Variants in DACH2 observed in about 807,000 individuals in gnomAD.
DACH2 encodes dachshund homolog 2.
Under a neutral mutation model 35.8 loss-of-function variants are expected in DACH2, and 17 were observed. That is an observed-to-expected ratio of 0.48 (90% confidence interval 0.33 to 0.71). The LOEUF (loss-of-function observed/expected upper bound fraction) is 0.71, where lower values mean the gene tolerates loss of function less well. Ranked by LOEUF, DACH2 falls within the 30% of genes least tolerant of loss-of-function variation. DACH2 has a pLI of 0.02. For missense variants in DACH2, 469 were observed against 472.7 expected (o/e 0.99, Z 0.07); for synonymous variants, 195 against 177.3 (o/e 1.10, Z -0.79).
intron 3 of DACH2, among the ~76,000 whole-genome samples, chrX:86,644,436 G>C (rs1323611339): frequency 9.1e-6 from 1 of 109,452 alleles, no homozygotes; most frequent in Non-Finnish European, 1.9e-5. Context: ...ACAAATGGAT[G>C]GAAAAACATT....
Position 86,165,090 on chromosome X carries a change from G to C in DACH2, c.488+15982G>C, listed in dbSNP as rs1403743689. Reference sequence around the variant, plus strand: ...ATAAGCATGGGATGTTTTTCCATTTGTATCTTTTCTGATTTTTTTTGAGCA... The same window carrying C: ...ATAAGCATGGGATGTTTTTCCATTTCTATCTTTTCTGATTTTTTTTGAGCA... On this transcript the variant is annotated intron_variant, in intron 1 of 11. Coordinates refer to ENST00000373125, the MANE Select transcript of DACH2 (RefSeq NM_053281.3). 3.6e-5 allele frequency among the ~76,000 whole-genome samples: 4 copies of C among 110,818 alleles called. No homozygotes were observed. In the Admixed American group the frequency reaches 3.8e-4, roughly 11 times the overall value.
At chrX:86,274,226 G>A (rs2033865090) in intron 1 of DACH2, among the ~76,000 whole-genome samples, 1 of 110,591 alleles carries the variant, frequency 9.0e-6, no homozygotes, top group African/African-American at 3.3e-5. Context: ...ATTGTACTGG[G>A]AAGCAGAACT....
chrX:86,683,037 G>A (rs1473532296), intron 4 of DACH2, among the ~76,000 whole-genome samples: 2 of 111,013 alleles, frequency 1.8e-5, no homozygotes, highest in South Asian at 3.7e-4. Context: ...ATTTGAGTCT[G>A]CGAGTTTTAT....
intron 7 of DACH2, among the ~76,000 whole-genome samples, chrX:86,749,359 A>T (rs774269445): frequency 1.6e-4 from 18 of 111,787 alleles, no homozygotes; most frequent in African/African-American, 5.8e-4. Context: ...CTTTCGATTT[A>T]AAGCGAGATA....
chrX:86,723,850 T>C (rs1222306127), intron 6 of DACH2, among the ~76,000 whole-genome samples: 3 of 111,063 alleles, frequency 2.7e-5, no homozygotes, highest in African/African-American at 9.9e-5. Context: ...TCTTGCTGAA[T>C]TGATCATTTT....
chrX:86,767,452 C>G (rs758081979), intron 7 of DACH2, among the ~76,000 whole-genome samples: 10 of 111,716 alleles, frequency 9.0e-5, no homozygotes, highest in Non-Finnish European at 1.9e-4. Flanking sequence ...AAGGAGGGTA[C>G]CTACCAGAAA....
intron 4 of DACH2, among the ~76,000 whole-genome samples, chrX:86,656,764 T>C (rs2040544544): frequency 9.5e-6 from 1 of 105,393 alleles, no homozygotes; most frequent in African/African-American, 3.5e-5. Flanking sequence ...AAGTAAGATA[T>C]AGATAACAAA....
In DACH2 at chrX:86,148,648, T is replaced by G. The variant is rs1298878291; in HGVS notation, c.28T>G (p.Ser10Ala). Residue 10 changes from serine (S) to alanine (A), a missense_variant, in exon 1 of 12, where the codon TCT (serine) becomes GCT (alanine). Ser to Ala is a moderately conservative substitution (Grantham distance 99). This residue lies in a region of DACH2 where 99 missense variants were observed against 114.3 expected (regional missense o/e 0.87). Coordinates refer to ENST00000373125, the MANE Select transcript of DACH2 (RefSeq NM_053281.3). MAVSASPVI[S>A]ATSSGAGVPG... ...GGCTGTCTCCGCATCTCCAGTGATC[T>G]CTGCAACTTCCAGCGGCGCCGGCGT... The G allele has an allele frequency of 8.5e-7, 1 of 1,180,783 alleles. No individual in the cohort carries two copies. The highest frequency in any genetic ancestry group is 1.8e-5 in the African/African-American group (1 of 56,126).
At chrX:86,482,041 T>C (rs2037944518) in intron 2 of DACH2, among the ~76,000 whole-genome samples, 1 of 112,072 alleles carries the variant, frequency 8.9e-6, no homozygotes, top group Admixed American at 9.5e-5. Flanking sequence ...GTAAAGACTT[T>C]AGACAGAAAG....
intron 1 of DACH2, among the ~76,000 whole-genome samples, chrX:86,266,096 A>T (rs2033708291): frequency 9.0e-6 from 1 of 111,189 alleles, no homozygotes; most frequent in East Asian, 2.8e-4. Context: ...TTAGAGAAAA[A>T]ACAGTGGTTT....
chrX:86,755,911 T>A (rs1239515865), intron 7 of DACH2, among the ~76,000 whole-genome samples: 2 of 110,919 alleles, frequency 1.8e-5, no homozygotes, highest in African/African-American at 3.3e-5. Context: ...TGATTTTTTT[T>A]ATATGGTGAG....
chrX:86,733,662 G>A (rs979296583), intron 6 of DACH2, among the ~76,000 whole-genome samples: 3 of 111,311 alleles, frequency 2.7e-5, no homozygotes, highest in African/African-American at 9.8e-5. Flanking sequence ...ATGTCAGTGT[G>A]CCATAGTTTT....
intron 1 of DACH2, among the ~76,000 whole-genome samples, chrX:86,330,671 C>T (rs2035196688): frequency 9.0e-6 from 1 of 111,710 alleles, no homozygotes; most frequent in Non-Finnish European, 1.9e-5. Context: ...TGTTAATTGA[C>T]TGCATTATAT....
rs776610566 is a variant in DACH2, at chrX:86,329,657, CTG to C, written c.489-47163_489-47162del. ...GTGGTTCAGTAGGGGTTGTGTAAGTCTGTGTTAGCATTCTGTTTACAGAAAAA... is the reference window on the plus strand; with the variant it reads ...GTGGTTCAGTAGGGGTTGTGTAAGTCTGTTAGCATTCTGTTTACAGAAAAA... On this transcript the variant is annotated intron_variant, in intron 1 of 11. Transcript: ENST00000373125. Among the ~76,000 whole-genome samples, 3 of 111,165 alleles carry C rather than the reference CTG, an allele frequency of 2.7e-5. No homozygotes were observed. The East Asian group carries it at 8.5e-4, about 32-fold the overall frequency.
At chrX:86,556,758 A>T (rs1213739197) in intron 3 of DACH2, among the ~76,000 whole-genome samples, 4 of 9,077 alleles carry the variant, frequency 4.4e-4, no homozygotes, top group Non-Finnish European at 8.2e-4. Context: ...TAGGATATGT[A>T]TATATATATA....
intron 6 of DACH2, among the ~76,000 whole-genome samples, chrX:86,731,832 A>G (rs955384046): frequency 8.9e-6 from 1 of 111,965 alleles, no homozygotes; most frequent in Non-Finnish European, 1.9e-5. Flanking sequence ...GATTCCAAAG[A>G]AAATATTTAT....
At chrX:86,225,657 G>A (rs1013570110) in intron 1 of DACH2, among the ~76,000 whole-genome samples, 2 of 110,844 alleles carry the variant, frequency 1.8e-5, no homozygotes, top group Non-Finnish European at 3.8e-5. Context: ...GGAGTGTTGG[G>A]ACCCATCTTG....
chrX:86,627,169 T>C (rs1184975283), intron 3 of DACH2, among the ~76,000 whole-genome samples: 3 of 111,974 alleles, frequency 2.7e-5, no homozygotes, highest in African/African-American at 9.7e-5. Flanking sequence ...GCTTTGCTGC[T>C]TCAAAATTTC....
intron 3 of DACH2, among the ~76,000 whole-genome samples, chrX:86,546,395 CTT>C (rs764894241): frequency 4.9e-5 from 3 of 60,937 alleles, no homozygotes; most frequent in African/African-American, 2.7e-4. Context: ...TCTTCTTCTT[CTT>C]CTTCTTCCTT....
Sources: gnomAD v4.1 joint callset for allele counts (sites outside exome capture counted in the v4.1 genomes callset) on GRCh38, gnomAD v4.1.1 for gene constraint, gnomAD v4.1.1 regional missense constraint, MANE v1.5 for transcripts, NCBI Gene and HGNC (gene_info 2026-07-23, HGNC 2026-07-21) for gene names.